Variants in PNKD observed in about 807,000 individuals in gnomAD.
PNKD encodes PNKD metallo-beta-lactamase domain containing.
PNKD carries 36 observed loss-of-function variants against 45.3 expected under a neutral mutation model. The observed-to-expected ratio is 0.80, with a 90% CI of 0.61 to 1.05. The LOEUF (loss-of-function observed/expected upper bound fraction) is 1.05, where lower values mean the gene tolerates loss of function less well. Ranked by LOEUF, PNKD falls within the 50% of genes least tolerant of loss-of-function variation. The pLI is 0.00. For missense variants in PNKD, 511 were observed against 506.6 expected (o/e 1.01, Z -0.08); for synonymous variants, 197 against 210.1 (o/e 0.94, Z 0.54).
chr2:218,335,045 G>A (rs1175183774), intron 2 of PNKD, among the ~76,000 whole-genome samples: 11 of 151,916 alleles, frequency 7.2e-5, no homozygotes, highest in Admixed American at 5.3e-4. Flanking sequence ...CCAGCTACTC[G>A]GGATACTGAG....
Position 218,345,705 on chromosome 2 carries a change from C to T in PNKD, c.*724C>T, listed in dbSNP as rs1479160422. 1 of 152,496 alleles carries T rather than the reference C, an allele frequency of 6.6e-6. No individual in the cohort carries two copies. The highest frequency in any genetic ancestry group is 1.5e-5 in the Non-Finnish European group (1 of 68,198). The allele number at this position is 152,496 out of a possible 1,614,324, so 9.4% of individuals were successfully genotyped here. A position where few individuals can be genotyped will look rare whatever the true frequency, so the allele number is the denominator to read the frequency against. ...ACACTGGAGTCTGGAGTGTGGAGCC[C>T]CACAGTCTTGCAGGTCACATGCTCT... On this transcript the variant is annotated 3_prime_UTR_variant, in exon 10 of 10. Coordinates refer to ENST00000273077, the MANE Select transcript of PNKD (RefSeq NM_015488.5).
intron 2 of PNKD, among the ~76,000 whole-genome samples, chr2:218,300,037 G>A (rs987434298): frequency 6.6e-6 from 1 of 152,092 alleles, no homozygotes; most frequent in Non-Finnish European, 1.5e-5. Flanking sequence ...GATTACTGGA[G>A]TGAGCCACCG....
chr2:218,312,728 T>C (rs887472468), intron 2 of PNKD, among the ~76,000 whole-genome samples: 2 of 151,816 alleles, frequency 1.3e-5, no homozygotes, highest in African/African-American at 4.8e-5. Context: ...CAAAAATTAG[T>C]TGGGTGTGGG....
chr2:218,272,636 T>C lies in PNKD; in HGVS notation c.236+1087T>C, dbSNP rs567480575. The C allele has an allele frequency of 5.4e-5, 87 of 1,614,024 alleles. 2 individuals are homozygous for C. In the South Asian group the frequency reaches 9.3e-4, roughly 17 times the overall value. The stretch of plus-strand genomic sequence containing the variant: ...CCAAGCGGGAAGTGGACAAGGACCG[T>C]GTGAAGCAGATGAAGGCTCGGCAGA... On this transcript the variant is annotated intron_variant, in intron 2 of 9. Transcript: ENST00000273077.
In PNKD at chr2:218,340,184, G is replaced by A. The variant is rs768702241; in HGVS notation, c.465+43G>A. 4.1e-5 allele frequency: 52 copies of A among 1,265,534 alleles called. No individual in the cohort carries two copies. Among genetic ancestry groups the A allele is most frequent in the Admixed American group, 1.0e-4 (6 of 59,542 alleles). The allele number at this position is 1,265,534 out of a possible 1,614,324, so 78.4% of individuals were successfully genotyped here. A position where few individuals can be genotyped will look rare whatever the true frequency, so the allele number is the denominator to read the frequency against. Reference sequence around the variant, plus strand: ...AGCAGGGGGTGCCTGGAGTCACCTTGGGGACTGGCAGTTTCGCCTTGCTAG... The same window carrying A: ...AGCAGGGGGTGCCTGGAGTCACCTTAGGGACTGGCAGTTTCGCCTTGCTAG... On this transcript the variant is annotated intron_variant, in intron 4 of 9. Coordinates refer to ENST00000273077, the MANE Select transcript of PNKD (RefSeq NM_015488.5). This position sits in a 1 kb window ranked among gnomAD's most constrained non-coding sequence, Gnocchi z 4.2.
intron 2 of PNKD, among the ~76,000 whole-genome samples, chr2:218,336,057 G>A (rs767049690): frequency 2.6e-5 from 4 of 151,702 alleles, no homozygotes; most frequent in South Asian, 4.2e-4. Flanking sequence ...TCTACTAAAA[G>A]TACAAAAATT....
At chr2:218,282,262 C>G in intron 2 of PNKD, 1 of 814,206 alleles carries the variant, frequency 1.2e-6, no homozygotes, top group Non-Finnish European at 1.8e-6. Flanking sequence ...CCAGCCTTGT[C>G]CAGGCTGCCT....
chr2:218,340,662 G>C lies in PNKD; in HGVS notation c.466-66G>C, dbSNP rs1475383232. On this transcript the variant is annotated intron_variant, in intron 4 of 9. Transcript: ENST00000273077. The surrounding 1 kb of genome is among the most constrained non-coding windows in gnomAD (Gnocchi z 4.2). Reference sequence around the variant, plus strand: ...CTCTCCACCAGCGCCCACACTCCTGGCTCTTGCTGCTTCAAGTGCCTCTTG... The same window carrying C: ...CTCTCCACCAGCGCCCACACTCCTGCCTCTTGCTGCTTCAAGTGCCTCTTG... 4 of 1,187,254 alleles carry C rather than the reference G, an allele frequency of 3.4e-6. No individual in the cohort carries two copies. In the South Asian group the frequency reaches 4.8e-5, roughly 14 times the overall value. 73.5% of individuals were successfully genotyped at this position (1,187,254 alleles called of 1,614,324 possible). A position where few individuals can be genotyped will look rare whatever the true frequency, so the allele number is the denominator to read the frequency against.
At position 218,326,326 on chromosome 2, in the gene PNKD, A is replaced by C. The variant is rs1265686919; in HGVS notation, c.237-13457A>C. The stretch of plus-strand genomic sequence containing the variant: ...TCTTAGGATGAGGATAGCTGAGCAC[A>C]GTGGCCACAGGTGAAACTGGTGAGA... On this transcript the variant is annotated intron_variant, in intron 2 of 9. Coordinates refer to ENST00000273077, the MANE Select transcript of PNKD (RefSeq NM_015488.5). The surrounding 1 kb of genome is among the most constrained non-coding windows in gnomAD (Gnocchi z 4.1). Among the ~76,000 whole-genome samples the C allele has an allele frequency of 6.6e-6, 1 of 152,204 alleles. No individual in the cohort carries two copies. Among genetic ancestry groups the C allele is most frequent in the Non-Finnish European group, 1.5e-5 (1 of 68,026 alleles).
intron 2 of PNKD, chr2:218,272,468 T>C (rs949081409): frequency 2.3e-5 from 24 of 1,049,978 alleles, no homozygotes; most frequent in Admixed American, 3.5e-5. Context: ...TAAGAGGTAT[T>C]GCAGCATTCA....
intron 2 of PNKD, among the ~76,000 whole-genome samples, chr2:218,336,796 T>TC (rs1694507978): frequency 7.1e-6 from 1 of 140,032 alleles, no homozygotes; most frequent in Non-Finnish European, 1.5e-5. Context: ...TTCTTTTTTT[T>TC]TTTTTTTTTT....
chr2:218,328,183 A>G (rs1422508114), intron 2 of PNKD, among the ~76,000 whole-genome samples: 1 of 152,072 alleles, frequency 6.6e-6, no homozygotes, highest in Non-Finnish European at 1.5e-5. Flanking sequence ...ACGGTGCTTC[A>G]GTCCTAGCTG....
chr2:218,291,236 C>A lies in PNKD; in HGVS notation c.236+19687C>A, dbSNP rs118037998. On this transcript the variant is annotated intron_variant, in intron 2 of 9. Coordinates refer to ENST00000273077, the MANE Select transcript of PNKD (RefSeq NM_015488.5). ...GAGGTCATAGCACAGAAAGACAGGG[C>A]CCCTGACACTGTGGTCCTGCCTCTT... Among the ~76,000 whole-genome samples the A allele has an allele frequency of 3.9e-4, 59 of 152,272 alleles. No homozygotes were observed. The East Asian group carries it at 7.0e-3, about 18-fold the overall frequency.
At position 218,339,796 on chromosome 2, in the gene PNKD, A is replaced by ACC; in HGVS notation, c.252_253dup (p.Arg85ProfsTer36). 6.2e-7 allele frequency: 1 copy of ACC among 1,612,308 alleles called. No individual in the cohort carries two copies. Among genetic ancestry groups the ACC allele is most frequent in the Non-Finnish European group, 8.5e-7 (1 of 1,178,614 alleles). On this transcript the variant is annotated frameshift_variant, in exon 3 of 10. Coordinates refer to ENST00000273077, the MANE Select transcript of PNKD (RefSeq NM_015488.5). LOFTEE classifies it high-confidence loss of function. ...CTCGCCCTCTAGGTACAGCCTGTAC[A>ACC]CCCGCACCTGGCTCGGGTACCTCTT...
rs192455527 is a variant in PNKD at position 218,278,994 on chromosome 2, C to T, written c.236+7445C>T. On this transcript the variant is annotated intron_variant, in intron 2 of 9. Transcript: ENST00000273077. ...GCTGGTCACCTAGAAACAGAAGCTG[C>T]CACCCCTGCCTCCCTGCCCAACCAC... The T allele has an allele frequency of 1.1e-4, 180 of 1,610,256 alleles. 1 individual carries two copies. In the East Asian group the frequency reaches 3.6e-3, roughly 32 times the overall value.
chr2:218,299,189 G>A (rs1414097308), intron 2 of PNKD, among the ~76,000 whole-genome samples: 1 of 151,928 alleles, frequency 6.6e-6, no homozygotes, highest in East Asian at 1.9e-4. Context: ...AGAGTGCAAT[G>A]GCAGTGCAAT....
intron 2 of PNKD, among the ~76,000 whole-genome samples, chr2:218,337,783 C>T (rs1478912151): frequency 1.3e-5 from 2 of 152,182 alleles, no homozygotes; most frequent in African/African-American, 4.8e-5. Context: ...CTGTGTGTGT[C>T]TCTTGCTCCC....
intron 2 of PNKD, chr2:218,274,757 T>A (rs116809757): frequency 0.033 from 5,062 of 155,100 alleles, 277 homozygotes; most frequent in African/African-American, 0.11. Context: ...TGGCCACATG[T>A]GGCCTGCTCT....
intron 2 of PNKD, chr2:218,317,797 G>A (rs1368379597): frequency 2.0e-5 from 3 of 152,326 alleles, no homozygotes; most frequent in Non-Finnish European, 4.4e-5. Context: ...GAGGGAAAGT[G>A]AGCTTTGGTT....
Sources: gnomAD v4.1 joint callset for allele counts (sites outside exome capture counted in the v4.1 genomes callset) on GRCh38, gnomAD v4.1.1 for gene constraint, Gnocchi (gnomAD v3.1) non-coding constraint, MANE v1.5 for transcripts, NCBI Gene and HGNC (gene_info 2026-07-23, HGNC 2026-07-21) for gene names.